MRGPRE: variants seen among roughly 807,000 people sequenced by gnomAD.
MRGPRE encodes MAS related GPR family member E, also known as mas-related G protein-coupled receptor member E.
For synonymous variants in MRGPRE, 229 were observed against 206.7 expected (o/e 1.11, Z -0.92); for missense variants, 466 against 433.4 (o/e 1.08, Z -0.67).
Position 3,228,199 on chromosome 11 carries a change from G to A in MRGPRE, c.601C>T (p.Leu201=), listed in dbSNP as rs768287313. Reference sequence around the variant, plus strand: ...CGCTGGGGGCCTCGCTCCACCCGCAGCAGCAGCATAAGGCTGGCCCCACAC... The same window carrying A: ...CGCTGGGGGCCTCGCTCCACCCGCAACAGCAGCATAAGGCTGGCCCCACAC... ...TMCGASLMLL[L]RVERGPQRPP... Residue 201 remains leucine, a synonymous_variant, in exon 2 of 2, where the codon CTG becomes TTG. Coordinates refer to ENST00000389832, the MANE Select transcript of MRGPRE (RefSeq NM_001039165.4). 12 of 1,560,180 alleles carry A rather than the reference G, an allele frequency of 7.7e-6. No individual in the cohort carries two copies. In the South Asian group the frequency reaches 1.3e-4, roughly 17 times the overall value.
chr11:3,228,748 G>A lies in MRGPRE; in HGVS notation c.52C>T (p.Gln18Ter), dbSNP rs771995424. 3.1e-6 allele frequency: 5 copies of A among 1,613,152 alleles called. No homozygotes were observed. Among genetic ancestry groups the A allele is most frequent in the Non-Finnish European group, 4.2e-6 (5 of 1,179,632 alleles). The change falls in exon 2 of 2, where the codon CAG (glutamine) becomes TAG (stop). Residue 18 changes from glutamine to a stop codon, truncating the protein, a stop_gained. Transcript: ENST00000389832. LOFTEE classifies it low-confidence loss of function (END_TRUNC). The part of the protein sequence containing the change: ...GQHVGAANGA[Q>*]EDVAFNLIIL... ...ATGAGGTTGAAGGCCACATCCTCCTGGGCGCCGTTGGCGGCCCCCACGTGC... is the reference window on the plus strand; with the variant it reads ...ATGAGGTTGAAGGCCACATCCTCCTAGGCGCCGTTGGCGGCCCCCACGTGC...
chr11:3,226,875 G>A lies in MRGPRE; in HGVS notation c.*986C>T, dbSNP rs1443316577. Reference sequence around the variant, plus strand: ...GTAGGGATGTTCAGAGATGGCCTTGGCAGCACAGTGGGGTGGCTAGCGGGG... The same window carrying A: ...GTAGGGATGTTCAGAGATGGCCTTGACAGCACAGTGGGGTGGCTAGCGGGG... On this transcript the variant is annotated 3_prime_UTR_variant, in exon 2 of 2. Transcript: ENST00000389832. Among the ~76,000 whole-genome samples, 1 of 152,210 alleles carries A rather than the reference G, an allele frequency of 6.6e-6. No individual in the cohort carries two copies. Among genetic ancestry groups the A allele is most frequent in the African/African-American group, 2.4e-5 (1 of 41,450 alleles).
rs575648651 is a variant in MRGPRE, at chr11:3,228,089, C to A, written c.711G>T (p.Trp237Cys). The change falls in exon 2 of 2, where the codon TGG becomes TGT. Residue 237 changes from tryptophan (W) to cysteine (C), a missense_variant. Physicochemically the swap from Trp to Cys is radical, Grantham distance 215 (BLOSUM62 -2). Coordinates refer to ENST00000389832, the MANE Select transcript of MRGPRE (RefSeq NM_001039165.4). ...LFCGLPFGIY[W>C]LSRNLLWYIP... is the part of the protein sequence containing the mutation. ...TGTACCAGAGCAGGTTCCGGGACAG[C>A]CAGTAGATGCCGAAGGGCAGGCCGC... The A allele has an allele frequency of 6.9e-4, 1,107 of 1,603,454 alleles. 13 individuals carry two copies. In the South Asian group the frequency reaches 0.011, roughly 17 times the overall value.
Position 3,229,837 on chromosome 11 carries a change from C to T in MRGPRE, c.-61-977G>A, listed in dbSNP as rs975375331. Among the ~76,000 whole-genome samples, 2 of 152,210 alleles carry T rather than the reference C, an allele frequency of 1.3e-5. No homozygotes were observed. Among genetic ancestry groups the T allele is most frequent in the Admixed American group, 1.3e-4 (2 of 15,286 alleles). On this transcript the variant is annotated intron_variant, in intron 1 of 1. Coordinates refer to ENST00000389832, the MANE Select transcript of MRGPRE (RefSeq NM_001039165.4). The surrounding 1 kb of genome is among the most constrained non-coding windows in gnomAD (Gnocchi z 4.4). ...GCTGCATCCTGCTCAACGTTGCCCG[C>T]CCTTTCCCCATGGGGAGAAGAGGGA...
chr11:3,230,726 G>C lies in MRGPRE; in HGVS notation c.-62+1415C>G, dbSNP rs959482392. On this transcript the variant is annotated intron_variant, in intron 1 of 1. Transcript: ENST00000389832. This position sits in a 1 kb window ranked among gnomAD's most constrained non-coding sequence, Gnocchi z 5.5. Reference sequence around the variant, plus strand: ...CCGTGGTCCAGTCTGAATCTCCTGCGGGTGGAGTCAAGCCTGGTTGGAGAT... The same window carrying C: ...CCGTGGTCCAGTCTGAATCTCCTGCCGGTGGAGTCAAGCCTGGTTGGAGAT... Among the ~76,000 whole-genome samples, 1 of 152,110 alleles carries C rather than the reference G, an allele frequency of 6.6e-6. No individual in the cohort carries two copies. The highest frequency in any genetic ancestry group is 1.5e-5 in the Non-Finnish European group (1 of 68,004).
chr11:3,228,919 A>T, intron 1 of MRGPRE, 59 bp from the exon 2 acceptor site: 6 of 776,318 alleles, frequency 7.7e-6, no homozygotes, highest in Non-Finnish European at 1.0e-5. Flanking sequence ...GCTCCTCCCC[A>T]CATCAGGGGA....
chr11:3,228,861 C>G lies in MRGPRE; in HGVS notation c.-61-1G>C, dbSNP rs1166470494. 5 of 1,335,666 alleles carry G rather than the reference C, an allele frequency of 3.7e-6. No homozygotes were observed. The African/African-American group carries it at 4.4e-5, about 12-fold the overall frequency. The allele number at this position is 1,335,666 out of a possible 1,614,324, so 82.7% of individuals were successfully genotyped here. A position where few individuals can be genotyped will look rare whatever the true frequency, so the allele number is the denominator to read the frequency against. Reference sequence around the variant, plus strand: ...CTGCTCGCTCTCTCTCCTGATGCCCCTGTAAACCACAACAGTTGAGTCTGG... The same window carrying G: ...CTGCTCGCTCTCTCTCCTGATGCCCGTGTAAACCACAACAGTTGAGTCTGG... On this transcript the variant is annotated splice_acceptor_variant, in intron 1 of 1. Coordinates refer to ENST00000389832, the MANE Select transcript of MRGPRE (RefSeq NM_001039165.4). LOFTEE classifies it low-confidence loss of function (5UTR_SPLICE).
In MRGPRE at chr11:3,228,497, CGTTGCCAGGCTG is replaced by C. The variant is rs1564890692; in HGVS notation, c.291_302del (p.Ser98_Thr101del). ...CCACGATGTAGCAGAAGAAGCGCAG[CGTTGCCAGGCTG>C]GTCTGCACGAAGCCCGGGAAGTCCA... On this transcript the variant is annotated inframe_deletion, in exon 2 of 2. Transcript: ENST00000389832. The C allele has an allele frequency of 6.2e-7, 1 of 1,613,656 alleles. No individual in the cohort carries two copies. Among genetic ancestry groups the C allele is most frequent in the Non-Finnish European group, 8.5e-7 (1 of 1,179,992 alleles).
In MRGPRE at chr11:3,228,168, G is replaced by A. The variant is rs1847785359; in HGVS notation, c.632C>T (p.Pro211Leu). 6 of 1,566,456 alleles carry A rather than the reference G, an allele frequency of 3.8e-6. No individual in the cohort carries two copies. The highest frequency in any genetic ancestry group is 5.2e-6 in the Non-Finnish European group (6 of 1,155,820). Residue 211 changes from proline (P) to leucine (L), a missense_variant, in exon 2 of 2, where the codon CCA becomes CTA. Pro to Leu is a moderately conservative substitution (Grantham distance 98). Coordinates refer to ENST00000389832, the MANE Select transcript of MRGPRE (RefSeq NM_001039165.4). ...GATGAGCCCAGGGAAGCCCCGGGGT[G>A]GGGGCCGCTGGGGGCCTCGCTCCAC... ...LRVERGPQRP[P>L]PRGFPGLILL...
chr11:3,227,841 G>T lies in MRGPRE; in HGVS notation c.*20C>A, dbSNP rs775708967. On this transcript the variant is annotated 3_prime_UTR_variant, in exon 2 of 2. Coordinates refer to ENST00000389832, the MANE Select transcript of MRGPRE (RefSeq NM_001039165.4). ...CTCTTGCCTCACGGGGGCTGCAGCT[G>T]GGGTCGGGGGCCCCAGGGCTCAGGC... 1.4e-6 allele frequency: 2 copies of T among 1,430,718 alleles called. No individual in the cohort carries two copies. Among genetic ancestry groups the T allele is most frequent in the Non-Finnish European group, 1.8e-6 (2 of 1,092,366 alleles). The allele number at this position is 1,430,718 out of a possible 1,614,324, so 88.6% of individuals were successfully genotyped here.
In MRGPRE at chr11:3,231,035, T is replaced by C. The variant is rs771583043; in HGVS notation, c.-62+1106A>G. Among the ~76,000 whole-genome samples the C allele has an allele frequency of 1.3e-5, 2 of 151,816 alleles. No individual in the cohort carries two copies. The highest frequency in any genetic ancestry group is 2.9e-5 in the Non-Finnish European group (2 of 67,922). On this transcript the variant is annotated intron_variant, in intron 1 of 1. Transcript: ENST00000389832. This position sits in a 1 kb window ranked among gnomAD's most constrained non-coding sequence, Gnocchi z 4.7. Reference sequence around the variant, plus strand: ...TTTTGGGAGGTCTTAAGTCTGTTGATGGTGGACCCCCTCCCAGGCACAAGT... The same window carrying C: ...TTTTGGGAGGTCTTAAGTCTGTTGACGGTGGACCCCCTCCCAGGCACAAGT...
At chr11:3,228,890 T>TGGATTCCTGAGCCC in intron 1 of MRGPRE, 30 bp from the exon 2 acceptor site, 1 of 1,075,268 alleles carries the variant, frequency 9.3e-7, no homozygotes. Flanking sequence ...AGTCTGGGGC[T>TGGATTCCTGAGCCC]CAGGAATCCA....
chr11:3,228,840 T>C lies in MRGPRE; in HGVS notation c.-41A>G. On this transcript the variant is annotated 5_prime_UTR_variant, in exon 2 of 2. Transcript: ENST00000389832. The stretch of plus-strand genomic sequence containing the variant: ...GGGATGCTGCAGGAGTGTGTTCTGC[T>C]CGCTCTCTCTCCTGATGCCCCTGTA... 2 of 1,489,210 alleles carry C rather than the reference T, an allele frequency of 1.3e-6. No individual in the cohort carries two copies. The highest frequency in any genetic ancestry group is 1.8e-6 in the Non-Finnish European group (2 of 1,093,278). 92.2% of individuals were successfully genotyped at this position (1,489,210 alleles called of 1,614,324 possible).
rs1480424034 is a variant in MRGPRE, at chr11:3,230,522, A to G, written c.-62+1619T>C. Among the ~76,000 whole-genome samples, 1 of 152,072 alleles carries G rather than the reference A, an allele frequency of 6.6e-6. No individual in the cohort carries two copies. Among genetic ancestry groups the G allele is most frequent in the African/African-American group, 2.4e-5 (1 of 41,394 alleles). On this transcript the variant is annotated intron_variant, in intron 1 of 1. Coordinates refer to ENST00000389832, the MANE Select transcript of MRGPRE (RefSeq NM_001039165.4). This position sits in a 1 kb window ranked among gnomAD's most constrained non-coding sequence, Gnocchi z 5.5. The stretch of plus-strand genomic sequence containing the variant: ...GGCTATCGCTGAGCACAGAGGTGCC[A>G]GCCACCCCGTGAGGTGCTGGTCATC...
Position 3,229,248 on chromosome 11 carries a change from G to A in MRGPRE, c.-61-388C>T, listed in dbSNP as rs1206872847. On this transcript the variant is annotated intron_variant, in intron 1 of 1. Coordinates refer to ENST00000389832, the MANE Select transcript of MRGPRE (RefSeq NM_001039165.4). This position sits in a 1 kb window ranked among gnomAD's most constrained non-coding sequence, Gnocchi z 4.4. The stretch of plus-strand genomic sequence containing the variant: ...TTTTTTTTTTTTTTTTTTTGGAGAT[G>A]GAGTCTGGCTCTGTTGCCCCAGGCT... 7.8e-6 allele frequency among the ~76,000 whole-genome samples: 1 copy of A among 127,538 alleles called. No homozygotes were observed. Among genetic ancestry groups the A allele is most frequent in the Non-Finnish European group, 1.6e-5 (1 of 63,140 alleles). 83.7% of individuals were successfully genotyped at this position (127,538 alleles called of 152,430 possible).
Position 3,229,097 on chromosome 11 carries a change from TC to T in MRGPRE, c.-61-238del. On this transcript the variant is annotated intron_variant, in intron 1 of 1. Transcript: ENST00000389832. The surrounding 1 kb of genome is among the most constrained non-coding windows in gnomAD (Gnocchi z 4.4). ...CATGGTTACCTGGCCTCAAGAGCCT[TC>T]CGTGGGGCTGGTCCCTGTAGGCCAG... Among the ~76,000 whole-genome samples, 1 of 152,202 alleles carries T rather than the reference TC, an allele frequency of 6.6e-6. No homozygotes were observed. The highest frequency in any genetic ancestry group is 2.1e-4 in the South Asian group (1 of 4,824).
rs763980999 is a variant in MRGPRE at position 3,228,524 on chromosome 11, C to G, written c.276G>C (p.Pro92=). 1 of 1,613,722 alleles carries G rather than the reference C, an allele frequency of 6.2e-7. No homozygotes were observed. Among genetic ancestry groups the G allele is most frequent in the Non-Finnish European group, 8.5e-7 (1 of 1,179,980 alleles). Residue 92 remains proline, a synonymous_variant, in exon 2 of 2, where the codon CCG becomes CCC. Coordinates refer to ENST00000389832, the MANE Select transcript of MRGPRE (RefSeq NM_001039165.4). ...PDLLQGRLDF[P]GFVQTSLATL... is the part of the protein sequence containing the mutation. ...TTGCCAGGCTGGTCTGCACGAAGCC[C>G]GGGAAGTCCAGCCGGCCTTGCAGCA...
rs371753178 is a variant in MRGPRE, at chr11:3,228,728, G to A, written c.72C>T (p.Asn24=). 1.5e-5 allele frequency: 24 copies of A among 1,613,720 alleles called. No homozygotes were observed. Among genetic ancestry groups the A allele is most frequent in the Non-Finnish European group, 1.9e-5 (23 of 1,179,964 alleles). Residue 24 remains asparagine, a synonymous_variant, in exon 2 of 2, where the codon AAC becomes AAT. Transcript: ENST00000389832. ...ANGAQEDVAF[N]LIILSLTEGL... ...CCTCGGTGAGGGACAGGATGATGAG[G>A]TTGAAGGCCACATCCTCCTGGGCGC...
rs1042941602 is a variant in MRGPRE at position 3,231,064 on chromosome 11, G to A, written c.-62+1077C>T. 2.6e-5 allele frequency among the ~76,000 whole-genome samples: 4 copies of A among 152,044 alleles called. No homozygotes were observed. Among genetic ancestry groups the A allele is most frequent in the African/African-American group, 4.8e-5 (2 of 41,390 alleles). ...GGACCCCCTCCCAGGCACAAGTCCC[G>A]TCCACCCATGGACGGAGCTATCTCC... On this transcript the variant is annotated intron_variant, in intron 1 of 1. Transcript: ENST00000389832. This position sits in a 1 kb window ranked among gnomAD's most constrained non-coding sequence, Gnocchi z 4.7.
Sources: gnomAD v4.1 joint callset for allele counts (sites outside exome capture counted in the v4.1 genomes callset) on GRCh38, gnomAD v4.1.1 for gene constraint, Gnocchi (gnomAD v3.1) non-coding constraint, MANE v1.5 for transcripts, NCBI Gene and HGNC (gene_info 2026-07-23, HGNC 2026-07-21) for gene names.